Variants in RASSF8 observed in about 807,000 individuals in gnomAD.
RASSF8 encodes ras association domain-containing protein 8.
RASSF8 carries 22 observed loss-of-function variants against 48.5 expected under a neutral mutation model. That is an observed-to-expected ratio of 0.45 (90% CI 0.32 to 0.65). RASSF8 has a LOEUF of 0.65. RASSF8 is among the 30% of genes least tolerant of loss of function. RASSF8 has a pLI of 0.03. For synonymous variants in RASSF8, 127 were observed against 171.5 expected, an observed-to-expected ratio of 0.74 and a Z score of 2.03; for missense variants, 418 against 489.2, an observed-to-expected ratio of 0.85 and a Z score of 1.37.
At chr12:25,965,807 G>A (rs1592211643) in intron 1 of RASSF8, among the ~76,000 whole-genome samples, 1 of 151,962 alleles carries the variant, frequency 6.6e-6, no homozygotes, top group East Asian at 1.9e-4. Flanking sequence ...TTGTTGTTGA[G>A]GCTTCTTAAA....
chr12:26,058,200 C>T (rs570300313), intron 3 of RASSF8, among the ~76,000 whole-genome samples: 2 of 152,336 alleles, frequency 1.3e-5, no homozygotes, highest in South Asian at 4.1e-4. Flanking sequence ...TTCCTCCAAA[C>T]TTGGCCAAAC....
chr12:25,974,402 G>A (rs2136876838), intron 1 of RASSF8, among the ~76,000 whole-genome samples: 1 of 151,782 alleles, frequency 6.6e-6, no homozygotes, highest in South Asian at 2.1e-4. Flanking sequence ...ATTGGAACAT[G>A]TTTTTCCAAA....
intron 2 of RASSF8, among the ~76,000 whole-genome samples, chr12:26,008,225 A>G (rs1367980779): frequency 6.6e-6 from 1 of 152,174 alleles, no homozygotes; most frequent in Non-Finnish European, 1.5e-5. Flanking sequence ...GTGAGCCGAG[A>G]AAGCCACTGA....
chr12:26,079,323 G>A (rs1233862091), exon 6 of RASSF8: 5 of 293,384 alleles, frequency 1.7e-5, no homozygotes, highest in East Asian at 1.3e-4. Flanking sequence ...GGTGGCTCAC[G>A]CCTGTAATCT....
chr12:26,036,300 G>GT (rs1943149367), intron 2 of RASSF8, among the ~76,000 whole-genome samples: 3 of 151,722 alleles, frequency 2.0e-5, no homozygotes, highest in South Asian at 2.1e-4. Context: ...TTTCTGTTTC[G>GT]TTTTGTTTTG....
chr12:25,975,161 A>AT (rs754158780), intron 1 of RASSF8, among the ~76,000 whole-genome samples: 34 of 152,252 alleles, frequency 2.2e-4, no homozygotes, highest in Admixed American at 5.9e-4. Context: ...GATGAAAGGC[A>AT]TTTTTTCTGG....
chr12:26,007,749 A>G (rs138122375), intron 2 of RASSF8, among the ~76,000 whole-genome samples: 2 of 152,356 alleles, frequency 1.3e-5, no homozygotes, highest in East Asian at 3.9e-4. Flanking sequence ...TTTAACAGAA[A>G]CAGCCTTTTA....
intron 2 of RASSF8, among the ~76,000 whole-genome samples, chr12:26,051,489 A>T (rs1943488918): frequency 1.3e-5 from 2 of 152,214 alleles, no homozygotes. Flanking sequence ...CTGTTTAAAG[A>T]TAACTTATTT....
intron 2 of RASSF8, among the ~76,000 whole-genome samples, chr12:26,006,955 A>G (rs868020275): frequency 1.3e-5 from 2 of 152,180 alleles, no homozygotes; most frequent in Non-Finnish European, 2.9e-5. Flanking sequence ...TACAATTCTG[A>G]TGTCTCAAAA....
At chr12:26,020,879 A>G (rs182543623) in intron 2 of RASSF8, among the ~76,000 whole-genome samples, 5 of 152,302 alleles carry the variant, frequency 3.3e-5, no homozygotes, top group East Asian at 1.9e-4. Context: ...GTTCTCATCT[A>G]TAAGATGAGG....
intron 3 of RASSF8, among the ~76,000 whole-genome samples, chr12:26,063,745 T>A (rs536474809): frequency 1.3e-5 from 2 of 152,270 alleles, no homozygotes; most frequent in South Asian, 4.1e-4. Flanking sequence ...TTTTTTTTTT[T>A]TTTTAGAAGA....
chr12:26,014,944 G>A (rs1035203800), intron 2 of RASSF8, among the ~76,000 whole-genome samples: 5 of 151,944 alleles, frequency 3.3e-5, no homozygotes, highest in East Asian at 1.9e-4. Flanking sequence ...GGTGGCTCAC[G>A]CCTGTAATCC....
intron 1 of RASSF8, among the ~76,000 whole-genome samples, chr12:25,989,331 T>A (rs1165016583): frequency 2.0e-5 from 3 of 152,246 alleles, no homozygotes; most frequent in Admixed American, 6.5e-5. Flanking sequence ...TTTCTACTAC[T>A]AGTGTGTTTT....
intron 1 of RASSF8, among the ~76,000 whole-genome samples, chr12:25,972,088 G>T (rs1231871582): frequency 6.6e-6 from 1 of 152,160 alleles, no homozygotes; most frequent in Non-Finnish European, 1.5e-5. Flanking sequence ...ATGCCAAACT[G>T]CCGGTAGACA....
At chr12:26,040,189 A>G (rs923002068) in intron 2 of RASSF8, among the ~76,000 whole-genome samples, 4 of 152,246 alleles carry the variant, frequency 2.6e-5, no homozygotes, top group Admixed American at 2.6e-4. Flanking sequence ...GACTTTTAAA[A>G]AAGAAATTAG....
At chr12:25,967,737 C>T (rs1363050579) in intron 1 of RASSF8, among the ~76,000 whole-genome samples, 1 of 152,202 alleles carries the variant, frequency 6.6e-6, no homozygotes, top group African/African-American at 2.4e-5. Flanking sequence ...CTTCCCCTTA[C>T]CCAACTCCAT....
At position 25,995,094 on chromosome 12, in the gene RASSF8, C is replaced by G. The variant is rs1053706635; in HGVS notation, c.-145C>G. ...TGGTGCTGTCCTTCCTCAAGACTAC[C>G]TCATTCTCACTGGCTCGGAGACTCC... is the stretch of plus-strand genomic sequence containing the variant. On this transcript the variant is annotated 5_prime_UTR_variant, in exon 2 of 6. Coordinates refer to ENST00000689635, the MANE Select transcript of RASSF8 (RefSeq NM_001394098.1). 9 of 152,230 alleles carry G rather than the reference C, an allele frequency of 5.9e-5. No individual in the cohort carries two copies. The highest frequency in any genetic ancestry group is 1.3e-4 in the Non-Finnish European group (9 of 68,142). 9.4% of individuals were successfully genotyped at this position (152,230 alleles called of 1,614,324 possible).
At chr12:26,003,010 A>G (rs574438349) in intron 2 of RASSF8, among the ~76,000 whole-genome samples, 1 of 152,312 alleles carries the variant, frequency 6.6e-6, no homozygotes, top group Non-Finnish European at 1.5e-5. Flanking sequence ...TCATTCATCT[A>G]GAGTTAATTT....
chr12:26,046,539 G>A (rs957660363), intron 2 of RASSF8, among the ~76,000 whole-genome samples: 1 of 152,138 alleles, frequency 6.6e-6, no homozygotes, highest in Admixed American at 6.5e-5. Flanking sequence ...TTTTTTAAAG[G>A]ATTAAATAAA....
Sources: allele counts gnomAD v4.1 joint callset (sites outside exome capture counted in the v4.1 genomes callset), GRCh38; gene constraint gnomAD v4.1.1; transcripts MANE v1.5; gene names NCBI Gene and HGNC (gene_info 2026-07-23, HGNC 2026-07-21).